Variants in DAB1 observed in about 807,000 individuals in gnomAD.
The protein encoded by DAB1 is DAB adaptor protein 1.
DAB1 carries 15 observed loss-of-function variants against 64.6 expected under a neutral mutation model. That is an observed-to-expected ratio of 0.23 (90% CI 0.16 to 0.36). The LOEUF is 0.36. Among genes scored for constraint, DAB1 ranks in the 10% least tolerant of loss-of-function variants. DAB1 has a pLI of 1.00. For synonymous variants in DAB1, 235 were observed against 251.9 expected (o/e 0.93, Z 0.64); for missense variants, 596 against 706.7 (o/e 0.84, Z 1.78).
intron 6 of DAB1, among the ~76,000 whole-genome samples, chr1:57,811,611 G>A (rs548579522): frequency 2.0e-5 from 3 of 152,278 alleles, no homozygotes; most frequent in South Asian, 4.1e-4. Flanking sequence ...GGGAATGGAC[G>A]AATGCAGTAA....
intron 1 of DAB1, among the ~76,000 whole-genome samples, chr1:57,390,465 A>G (rs914633316): frequency 6.6e-6 from 1 of 152,176 alleles, no homozygotes; most frequent in African/African-American, 2.4e-5. Flanking sequence ...TCACGATTGT[A>G]CTCCTGACCT....
intron 6 of DAB1, among the ~76,000 whole-genome samples, chr1:57,676,092 C>T (rs1474530755): frequency 1.3e-5 from 2 of 152,088 alleles, no homozygotes; most frequent in Non-Finnish European, 2.9e-5. Context: ...TGAAGTGGAG[C>T]TCATTATATG....
chr1:57,057,630 CAG>C (rs1269006985), intron 9 of DAB1, among the ~76,000 whole-genome samples: 2 of 140,112 alleles, frequency 1.4e-5, no homozygotes, highest in African/African-American at 5.5e-5. Context: ...TTTTTGGAGA[CAG>C]AGTCTCGTTC....
chr1:57,563,434 C>G (rs188153398), intron 7 of DAB1, among the ~76,000 whole-genome samples: 180 of 151,886 alleles, frequency 1.2e-3, no homozygotes, highest in Middle Eastern at 3.4e-3. Context: ...GCTTGTCAGA[C>G]AGTGGGTGCA....
intron 3 of DAB1, among the ~76,000 whole-genome samples, chr1:58,457,735 A>G (rs1165495976): frequency 6.6e-6 from 1 of 152,186 alleles, no homozygotes; most frequent in Non-Finnish European, 1.5e-5. Context: ...TCTGTGGCCC[A>G]TTAAAGATGT....
chr1:58,177,738 G>A (rs537596774), intron 4 of DAB1, among the ~76,000 whole-genome samples: 1 of 150,882 alleles, frequency 6.6e-6, no homozygotes, highest in Non-Finnish European at 1.5e-5. Flanking sequence ...AAAAAAAAAT[G>A]GCCTGCTCAG....
At chr1:58,474,513 C>G (rs978114073) in intron 3 of DAB1, among the ~76,000 whole-genome samples, 1 of 152,042 alleles carries the variant, frequency 6.6e-6, no homozygotes, top group Admixed American at 6.5e-5. Context: ...ACTTTGGGTA[C>G]CTGTTAGGGT....
chr1:58,521,797 C>A (rs1218433081), intron 2 of DAB1, among the ~76,000 whole-genome samples: 1 of 152,100 alleles, frequency 6.6e-6, no homozygotes, highest in East Asian at 1.9e-4. Context: ...AATCTTCAGG[C>A]CCATATGGCT....
intron 7 of DAB1, among the ~76,000 whole-genome samples, chr1:57,510,170 C>T (rs144652084): frequency 4.6e-4 from 70 of 152,286 alleles, no homozygotes; most frequent in African/African-American, 1.6e-3. Context: ...ACATTTTTAA[C>T]CCATCCCAAG....
Position 57,586,705 on chromosome 1 carries a change from T to G in DAB1, n.625+62887A>C, listed in dbSNP as rs1458733436. Among the ~76,000 whole-genome samples the G allele has an allele frequency of 2.6e-5, 4 of 151,690 alleles. No homozygotes were observed. In the East Asian group the frequency reaches 7.8e-4, roughly 30 times the overall value. On this transcript the variant is annotated intron_variant and non_coding_transcript_variant, in intron 7 of 20. Transcript: ENST00000485760. ...AAACTGAATCATTCTTCCAGCAGAGTGCATTTTTTCCTACTTCCATTATCC... is the reference window on the plus strand; with the variant it reads ...AAACTGAATCATTCTTCCAGCAGAGGGCATTTTTTCCTACTTCCATTATCC...
chr1:57,564,762 T>C (rs1645096880), intron 7 of DAB1, among the ~76,000 whole-genome samples: 1 of 152,108 alleles, frequency 6.6e-6, no homozygotes. Flanking sequence ...CTCCAAGAAA[T>C]ATGGGACTAT....
chr1:57,540,125 T>C (rs1013927156), intron 7 of DAB1, among the ~76,000 whole-genome samples: 2 of 152,188 alleles, frequency 1.3e-5, no homozygotes, highest in Non-Finnish European at 2.9e-5. Flanking sequence ...ATTGTGGTAT[T>C]ACTTCCATCT....
intron 4 of DAB1, among the ~76,000 whole-genome samples, chr1:58,242,888 C>G (rs770209835): frequency 6.6e-6 from 1 of 150,638 alleles, no homozygotes; most frequent in Non-Finnish European, 1.5e-5. Flanking sequence ...TATGGAGAAG[C>G]AGGAAAAAAA....
chr1:57,579,830 T>C (rs532512262), intron 7 of DAB1, among the ~76,000 whole-genome samples: 17 of 152,148 alleles, frequency 1.1e-4, no homozygotes, highest in Non-Finnish European at 2.2e-4. Flanking sequence ...TGAGGTATGG[T>C]AAAACCAGGC....
chr1:57,520,549 G>T (rs1644513683), intron 7 of DAB1, among the ~76,000 whole-genome samples: 2 of 151,662 alleles, frequency 1.3e-5, no homozygotes, highest in African/African-American at 4.8e-5. Flanking sequence ...CAGTTTTTAG[G>T]GTTAACTCTC....
chr1:57,472,665 C>T lies in DAB1; in HGVS notation n.625+176927G>A, dbSNP rs921578958. On this transcript the variant is annotated intron_variant and non_coding_transcript_variant, in intron 7 of 20. Coordinates refer to the DAB1 transcript ENST00000485760. ...ATCACGACCCTCTCACGCGCACCCC[C>T]TTAGAGTTGTGAGCCCTTAAAAAGG... 2.6e-5 allele frequency among the ~76,000 whole-genome samples: 4 copies of T among 152,262 alleles called. No homozygotes were observed. In the East Asian group the frequency reaches 7.7e-4, roughly 29 times the overall value.
intron 5 of DAB1, among the ~76,000 whole-genome samples, chr1:58,078,687 C>T (rs946067841): frequency 7.9e-5 from 12 of 152,082 alleles, no homozygotes; most frequent in East Asian, 5.8e-4. Context: ...GGTTTCCACA[C>T]GTGTTAATTT....
At chr1:57,961,387 A>C (rs1377718725) in intron 5 of DAB1, among the ~76,000 whole-genome samples, 1 of 152,112 alleles carries the variant, frequency 6.6e-6, no homozygotes, top group East Asian at 1.9e-4. Flanking sequence ...CAAAATTATC[A>C]GTTGGCTCAG....
intron 7 of DAB1, among the ~76,000 whole-genome samples, chr1:57,554,240 G>A (rs1042208815): frequency 7.2e-5 from 11 of 152,234 alleles, no homozygotes; most frequent in African/African-American, 1.2e-4. Context: ...TAATCTTGGA[G>A]AAGTGCAATG....
Sources: gnomAD v4.1 joint callset for allele counts (sites outside exome capture counted in the v4.1 genomes callset) on GRCh38, gnomAD v4.1.1 for gene constraint, MANE v1.5 for transcripts, NCBI Gene and HGNC (gene_info 2026-07-23, HGNC 2026-07-21) for gene names.